Variants in FN1 observed in about 807,000 individuals in gnomAD.
FN1 encodes the protein fibronectin.
In FN1, 106 loss-of-function variants were observed where a neutral mutation model predicts 297.3. The observed-to-expected ratio is 0.36, with a 90% CI of 0.30 to 0.42. The LOEUF (loss-of-function observed/expected upper bound fraction) is 0.42. Ranked by LOEUF, FN1 falls within the 10% of genes least tolerant of loss-of-function variation. The pLI is 1.00. For synonymous variants in FN1, 1,149 were observed against 1,152.6 expected, an observed-to-expected ratio of 1.00 and a Z score of 0.06; for missense variants, 2,690 against 3,124.9, an observed-to-expected ratio of 0.86 and a Z score of 3.32.
chr2:215,372,517 C>A, intron 39 of FN1, 142 bp from the exon 40 acceptor site: 1 of 691,408 alleles, frequency 1.4e-6, no homozygotes, highest in South Asian at 1.6e-5. Context: ...TCTGAGATCA[C>A]AAAACACTTT....
chr2:215,391,906 A>C (rs1472252455), intron 25 of FN1, 92 bp from the exon 26 acceptor site: 3 of 1,033,836 alleles, frequency 2.9e-6, no homozygotes, highest in African/African-American at 1.6e-5. Context: ...TATTTCATGC[A>C]TAAAGGAAAC....
chr2:215,423,872 C>G (rs982123861), intron 8 of FN1, among the ~76,000 whole-genome samples: 1 of 152,098 alleles, frequency 6.6e-6, no homozygotes, highest in Admixed American at 6.6e-5. Context: ...TCTACTGATT[C>G]CAAAATACAA....
At chr2:215,366,772 C>A (rs979824605) in intron 42 of FN1, among the ~76,000 whole-genome samples, 1 of 152,202 alleles carries the variant, frequency 6.6e-6, no homozygotes, top group African/African-American at 2.4e-5. Flanking sequence ...AACTTGACAT[C>A]CCCGCTCCCA....
chr2:215,394,709 A>T lies in FN1; in HGVS notation c.3615T>A (p.Gly1205=). Residue 1205 remains glycine, a synonymous_variant, in exon 24 of 46, where the codon GGT becomes GGA. Transcript: ENST00000354785. ...TTGTAGGGGTTGTGGTAATTCTATA[A>T]CCAGTAATGTCTGGAGAAAAAAGAA... ...WERSTTPDIT[G]YRITTTPTNG... is the part of the protein sequence containing the mutation. 6.2e-7 allele frequency: 1 copy of T among 1,613,642 alleles called. No individual in the cohort carries two copies. The highest frequency in any genetic ancestry group is 8.5e-7 in the Non-Finnish European group (1 of 1,179,642).
chr2:215,370,198 A>G, intron 41 of FN1, 96 bp downstream of exon 41: 3 of 1,305,602 alleles, frequency 2.3e-6, no homozygotes, highest in Non-Finnish European at 3.3e-6. Context: ...CCCAAAGATA[A>G]AAAGACAATG....
In FN1 at chr2:215,420,662, G is replaced by C. The variant is rs1288167674; in HGVS notation, c.1675+11C>G. On this transcript the variant is annotated intron_variant, in intron 11 of 45. Coordinates refer to ENST00000354785, the MANE Select transcript of FN1 (RefSeq NM_212482.4). The stretch of plus-strand genomic sequence containing the variant: ...CTGTGCAAACTCATCTAGGGAAATA[G>C]GGCTACTCACCGACGGGATCACACT... The C allele has an allele frequency of 6.2e-7, 1 of 1,614,008 alleles. No homozygotes were observed. The highest frequency in any genetic ancestry group is 1.1e-5 in the South Asian group (1 of 91,082).
Position 215,373,326 on chromosome 2 carries a change from C to G in FN1, c.6243G>C (p.Lys2081Asn). ...QKSEPLIGRK[K>N]TDELPQLVTL... Reference sequence around the variant, plus strand: ...TTACCTGCAAGATACTCTTACCTGTCTTTTTCCTTCCAATCAGGGGCTCGC... The same window carrying G: ...TTACCTGCAAGATACTCTTACCTGTGTTTTTCCTTCCAATCAGGGGCTCGC... The change falls in exon 39 of 46, where the codon AAG becomes AAC. Residue 2081 changes from lysine (K) to asparagine (N), a missense_variant. Around this residue, in one of 3 missense-constraint regions of FN1, gnomAD observed 1,743 missense variants for 1,945.2 expected, o/e 0.90. Transcript: ENST00000354785. 6.2e-7 allele frequency: 1 copy of G among 1,612,520 alleles called. No individual in the cohort carries two copies. The highest frequency in any genetic ancestry group is 8.5e-7 in the Non-Finnish European group (1 of 1,178,710).
At chr2:215,372,505 G>A (rs1012659903) in intron 39 of FN1, 130 bp from the exon 40 acceptor site, 1 of 725,764 alleles carries the variant, frequency 1.4e-6, no homozygotes, top group Non-Finnish European at 2.4e-6. Context: ...AAAATGAGCA[G>A]TTCTGAGATC....
chr2:215,402,862 A>G (rs1029919694), intron 20 of FN1, among the ~76,000 whole-genome samples: 1 of 152,202 alleles, frequency 6.6e-6, no homozygotes. Flanking sequence ...ATCAGTCTTC[A>G]GAAGTACTTG....
Position 215,425,255 on chromosome 2 carries a change from G to C in FN1, c.875C>G (p.Ala292Gly). ...GSGPFTDVRA[A>G]VYQPQPHPQP... is the part of the protein sequence containing the mutation. ...GGGGTGAGGCTGCGGTTGGTAAACA[G>C]CTGCACGAACATCGGTGAAGGGGCC... Residue 292 changes from alanine to glycine, a missense_variant, in exon 7 of 46, where the codon GCT becomes GGT. Ala to Gly is a moderately conservative substitution (Grantham distance 60). Coordinates refer to ENST00000354785, the MANE Select transcript of FN1 (RefSeq NM_212482.4). The C allele has an allele frequency of 6.2e-7, 1 of 1,614,184 alleles. No individual in the cohort carries two copies. The highest frequency in any genetic ancestry group is 8.5e-7 in the Non-Finnish European group (1 of 1,180,038).
intron 23 of FN1, among the ~76,000 whole-genome samples, chr2:215,396,117 A>T (rs2060280647): frequency 6.6e-6 from 1 of 152,252 alleles, no homozygotes; most frequent in Non-Finnish European, 1.5e-5. Context: ...CCCGGCAAAG[A>T]TAAGAACTAT....
At chr2:215,412,176 A>G (rs2062747151) in intron 13 of FN1, among the ~76,000 whole-genome samples, 1 of 141,142 alleles carries the variant, frequency 7.1e-6, no homozygotes, top group Non-Finnish European at 1.5e-5. Flanking sequence ...TGAAAGAAGA[A>G]AAAGAATGAC....
In FN1 at chr2:215,414,885, A is replaced by C; in HGVS notation, c.1893T>G (p.Asn631Lys). The change falls in exon 13 of 46, where the codon AAT becomes AAG. Residue 631 changes from asparagine (N) to lysine (K), a missense_variant. Around this residue, in one of 3 missense-constraint regions of FN1, gnomAD observed 876 missense variants for 1,058.1 expected, o/e 0.83. Transcript: ENST00000354785. ...TGGAAATGTGAGATGGCTGTGGTGC[A>C]TTCCACTGGATGGGGTGGGAGTTGG... ...SQPNSHPIQW[N>K]APQPSHISKY... The C allele has an allele frequency of 6.2e-7, 1 of 1,613,866 alleles. No homozygotes were observed.
At chr2:215,387,576 T>C (rs1359642672) in intron 27 of FN1, among the ~76,000 whole-genome samples, 2 of 152,210 alleles carry the variant, frequency 1.3e-5, no homozygotes, top group African/African-American at 4.8e-5. Flanking sequence ...TCAGAGTTTG[T>C]TGCAAATTCA....
chr2:215,375,803 C>A (rs2057179625), intron 36 of FN1, 85 bp from the exon 37 acceptor site: 2 of 835,188 alleles, frequency 2.4e-6, no homozygotes, highest in African/African-American at 1.7e-5. Flanking sequence ...TTTCTGGGTT[C>A]TTCTATCATC....
At position 215,372,588 on chromosome 2, in the gene FN1, AG is replaced by A. The variant is rs1391765539; in HGVS notation, c.6248-214del. 1.1e-4 allele frequency: 68 copies of A among 599,852 alleles called. No individual in the cohort carries two copies. The African/African-American group carries it at 1.1e-3, about 10-fold the overall frequency. The allele number at this position is 599,852 out of a possible 1,614,324, so 37.2% of individuals were successfully genotyped here. On this transcript the variant is annotated intron_variant, in intron 39 of 45. Coordinates refer to ENST00000354785, the MANE Select transcript of FN1 (RefSeq NM_212482.4). ...TTTCTTTATAGTTTAGAAAGAAAAA[AG>A]TGTTAGTATGAATTTATCATACACA...
intron 27 of FN1, 146 bp downstream of exon 27, chr2:215,388,066 C>T: frequency 5.8e-6 from 4 of 689,854 alleles, no homozygotes; most frequent in Non-Finnish European, 1.0e-5. Context: ...TTTTTGAGAC[C>T]AGCGATAAAA....
At chr2:215,385,950 G>A (rs575825137) in intron 28 of FN1, among the ~76,000 whole-genome samples, 2 of 151,360 alleles carry the variant, frequency 1.3e-5, no homozygotes, top group East Asian at 3.9e-4. Context: ...GCTAATTTTT[G>A]TATTTTTAGT....
chr2:215,378,332 A>G, intron 34 of FN1, 70 bp from the exon 35 acceptor site: 2 of 805,028 alleles, frequency 2.5e-6, no homozygotes, highest in Non-Finnish European at 4.4e-6. Flanking sequence ...TCACTACAGC[A>G]TTAGGTAAAT....
Sources: gnomAD v4.1 joint callset for allele counts (sites outside exome capture counted in the v4.1 genomes callset) on GRCh38, gnomAD v4.1.1 for gene constraint, gnomAD v4.1.1 regional missense constraint, MANE v1.5 for transcripts, NCBI Gene and HGNC (gene_info 2026-07-23, HGNC 2026-07-21) for gene names.